The following COL25A1 variants were observed in gnomAD, a reference collection of about 807,000 sequenced individuals.
The protein encoded by COL25A1 is collagen alpha-1(XXV) chain.
In COL25A1, 103 loss-of-function variants were observed where a neutral mutation model predicts 128.4. The ratio of observed to expected loss-of-function variants is 0.80; its 90% CI spans 0.68 to 0.94. The LOEUF is 0.94. Among genes scored for constraint, COL25A1 ranks in the 40% least tolerant of loss-of-function variants. The pLI is 0.00. For missense variants in COL25A1, 745 were observed against 840.0 expected (o/e 0.89, Z 1.40); for synonymous variants, 279 against 277.2 (o/e 1.01, Z -0.06).
At chr4:109,272,578 G>C (rs1170754056) in intron 3 of COL25A1, among the ~76,000 whole-genome samples, 1 of 152,134 alleles carries the variant, frequency 6.6e-6, no homozygotes, top group Non-Finnish European at 1.5e-5. Flanking sequence ...AAAGTTCTTT[G>C]AAAGCAGAGT....
At chr4:108,914,025 A>G (rs1462619332) in intron 13 of COL25A1, among the ~76,000 whole-genome samples, 3 of 152,224 alleles carry the variant, frequency 2.0e-5, no homozygotes, top group Admixed American at 6.5e-5. Context: ...GGAGAATTAC[A>G]TTATTTTTGT....
chr4:109,210,307 T>C (rs917611223), intron 3 of COL25A1, among the ~76,000 whole-genome samples: 1 of 152,230 alleles, frequency 6.6e-6, no homozygotes, highest in Admixed American at 6.5e-5. Context: ...ACAATTTTAA[T>C]AAAATTGTCT....
intron 3 of COL25A1, among the ~76,000 whole-genome samples, chr4:109,292,146 G>C (rs1724527778): frequency 6.7e-6 from 1 of 148,442 alleles, no homozygotes; most frequent in Non-Finnish European, 1.5e-5. Context: ...GGGGAGAGAG[G>C]TGGGCAGCAG....
intron 6 of COL25A1, among the ~76,000 whole-genome samples, chr4:108,984,063 C>G (rs1753365498): frequency 6.6e-6 from 1 of 152,128 alleles, no homozygotes; most frequent in Non-Finnish European, 1.5e-5. Context: ...AATCCCTGAG[C>G]TAGACACAAA....
intron 6 of COL25A1, among the ~76,000 whole-genome samples, chr4:109,008,311 T>G (rs963596806): frequency 6.6e-6 from 1 of 152,204 alleles, no homozygotes; most frequent in Admixed American, 6.5e-5. Flanking sequence ...TGGGACATGC[T>G]CTACATAGTC....
At chr4:109,280,277 A>G (rs1405823012) in intron 3 of COL25A1, among the ~76,000 whole-genome samples, 1 of 152,204 alleles carries the variant, frequency 6.6e-6, no homozygotes, top group Admixed American at 6.5e-5. Context: ...AAAATTACAC[A>G]TCCATTCAAT....
At chr4:108,910,319 T>A (rs1317665478) in intron 13 of COL25A1, among the ~76,000 whole-genome samples, 1 of 152,186 alleles carries the variant, frequency 6.6e-6, no homozygotes, top group African/African-American at 2.4e-5. Flanking sequence ...GAGAATGAGA[T>A]AATACTTCTT....
intron 11 of COL25A1, among the ~76,000 whole-genome samples, chr4:108,936,145 C>T (rs1422090089): frequency 6.6e-6 from 1 of 152,168 alleles, no homozygotes; most frequent in Admixed American, 6.5e-5. Context: ...TAACTCCATA[C>T]CACTGAGAGC....
intron 8 of COL25A1, among the ~76,000 whole-genome samples, chr4:108,954,181 T>C (rs184650254): frequency 1.3e-5 from 2 of 152,258 alleles, no homozygotes; most frequent in Admixed American, 1.3e-4. Context: ...TACATGAGAA[T>C]TATGGTTTCT....
intron 3 of COL25A1, among the ~76,000 whole-genome samples, chr4:109,156,586 C>A (rs537654716): frequency 1.1e-3 from 161 of 152,210 alleles, no homozygotes; most frequent in African/African-American, 3.8e-3. Flanking sequence ...GCTATTGCTA[C>A]ATCAACTACA....
chr4:109,244,880 T>C (rs1444013767), intron 3 of COL25A1, among the ~76,000 whole-genome samples: 2 of 152,154 alleles, frequency 1.3e-5, no homozygotes, highest in Non-Finnish European at 2.9e-5. Flanking sequence ...TGTGGATCTC[T>C]AGAAAAATAT....
chr4:109,142,283 G>C (rs1318263467), intron 3 of COL25A1, among the ~76,000 whole-genome samples: 3 of 151,156 alleles, frequency 2.0e-5, no homozygotes, highest in African/African-American at 4.8e-5. Context: ...TGCAGTCTGA[G>C]AGACTGCTAT....
intron 3 of COL25A1, among the ~76,000 whole-genome samples, chr4:109,281,478 AC>A (rs1202612944): frequency 2.0e-5 from 3 of 152,112 alleles, no homozygotes; most frequent in African/African-American, 7.2e-5. Context: ...GATGGAAAGA[AC>A]AGTTATTTTG....
At chr4:109,118,851 C>G (rs1767849422) in intron 3 of COL25A1, among the ~76,000 whole-genome samples, 1 of 151,940 alleles carries the variant, frequency 6.6e-6, no homozygotes. Context: ...TCAACAGACC[C>G]ATCAATCAAC....
chr4:109,292,791 T>C (rs1317549348), intron 3 of COL25A1, among the ~76,000 whole-genome samples: 2 of 152,018 alleles, frequency 1.3e-5, no homozygotes, highest in East Asian at 3.9e-4. Context: ...TTGATAACCA[T>C]CCTGAGAAAA....
intron 3 of COL25A1, among the ~76,000 whole-genome samples, chr4:109,203,627 C>T (rs1776747577): frequency 6.6e-6 from 1 of 151,940 alleles, no homozygotes; most frequent in African/African-American, 2.4e-5. Context: ...AAGAATCCTA[C>T]AGGTTGTCTG....
chr4:109,279,473 GA>G (rs1156322936), intron 3 of COL25A1, among the ~76,000 whole-genome samples: 18 of 152,136 alleles, frequency 1.2e-4, no homozygotes, highest in Admixed American at 1.0e-3. Flanking sequence ...AGCTGCTCAA[GA>G]GGCTGAGCTG....
rs77405623 is a variant in COL25A1, at chr4:109,061,159, C to A, written c.368-10980G>T. Among the ~76,000 whole-genome samples, 534 of 152,286 alleles carry A rather than the reference C, an allele frequency of 3.5e-3. 12 individuals are homozygous for A. The East Asian group carries it at 0.087, about 25-fold the overall frequency. On this transcript the variant is annotated intron_variant, in intron 3 of 37. Transcript: ENST00000399132. ...GAGTCACTTTTGCCTAATCCTTGGT[C>A]TTTCATCACTCTTGTGCTCTCCTTA...
At chr4:108,848,829 G>C (rs1457820505) in intron 26 of COL25A1, 26 bp from the exon 27 acceptor site, 1 of 1,586,698 alleles carries the variant, frequency 6.3e-7, no homozygotes, top group Non-Finnish European at 8.6e-7. Context: ...TAGATGACTT[G>C]CCTCCATTCT....
Sources: gnomAD v4.1 joint callset for allele counts (sites outside exome capture counted in the v4.1 genomes callset) on GRCh38, gnomAD v4.1.1 for gene constraint, MANE v1.5 for transcripts, NCBI Gene and HGNC (gene_info 2026-07-23, HGNC 2026-07-21) for gene names.